Variants in FRS2 observed in about 807,000 individuals in gnomAD.
FRS2 encodes the protein fibroblast growth factor receptor substrate 2, also known as FGFR signalling adaptor.
In FRS2, 8 loss-of-function variants were observed where a neutral mutation model predicts 43.9. The observed-to-expected ratio is 0.18, with a 90% CI of 0.11 to 0.33. FRS2 has a LOEUF of 0.33. Ranked by LOEUF, FRS2 falls within the 10% of genes least tolerant of loss-of-function variation. The pLI, the probability that FRS2 is intolerant of heterozygous loss-of-function variation, is 1.00. For missense variants in FRS2, 534 were observed against 627.6 expected, an observed-to-expected ratio of 0.85 and a Z score of 1.59; for synonymous variants, 219 against 220.3, an observed-to-expected ratio of 0.99 and a Z score of 0.05.
At chr12:69,566,839 A>T (rs141156123) in intron 4 of FRS2, among the ~76,000 whole-genome samples, 18 of 152,320 alleles carry the variant, frequency 1.2e-4, no homozygotes, top group Admixed American at 7.2e-4. Context: ...TCAAGTCTCA[A>T]ATCTAGGGAA....
chr12:69,565,514 AAC>A (rs1044483728), intron 4 of FRS2, among the ~76,000 whole-genome samples: 3 of 152,198 alleles, frequency 2.0e-5, no homozygotes, highest in Non-Finnish European at 4.4e-5. Context: ...TTTAGCTTAA[AAC>A]ACACACATTC....
chr12:69,518,816 A>G (rs1185457451), intron 1 of FRS2, among the ~76,000 whole-genome samples: 1 of 151,926 alleles, frequency 6.6e-6, no homozygotes, highest in African/African-American at 2.4e-5. Context: ...GGAGTTCGAG[A>G]CTGGCCTGAC....
intron 1 of FRS2, among the ~76,000 whole-genome samples, chr12:69,518,551 T>C (rs1457143690): frequency 6.6e-6 from 1 of 151,380 alleles, no homozygotes; most frequent in Non-Finnish European, 1.5e-5. Flanking sequence ...TGTGAAAACA[T>C]AGAAAAAATA....
chr12:69,529,858 A>C (rs571736767), intron 1 of FRS2, among the ~76,000 whole-genome samples: 7 of 152,040 alleles, frequency 4.6e-5, no homozygotes, highest in Admixed American at 3.9e-4. Flanking sequence ...TCAGGAGTTC[A>C]AGACCAGCCT....
chr12:69,489,738 A>C (rs939830783), intron 1 of FRS2, among the ~76,000 whole-genome samples: 1 of 151,338 alleles, frequency 6.6e-6, no homozygotes, highest in African/African-American at 2.4e-5. Flanking sequence ...GTAATTGTCA[A>C]GATATGTAAA....
intron 3 of FRS2, among the ~76,000 whole-genome samples, chr12:69,543,401 T>C (rs1878089303): frequency 6.6e-6 from 1 of 152,212 alleles, no homozygotes; most frequent in South Asian, 2.1e-4. Flanking sequence ...GCATTTAATA[T>C]CTGTCTGGCA....
intron 3 of FRS2, among the ~76,000 whole-genome samples, chr12:69,555,974 T>C (rs1879301389): frequency 6.7e-6 from 1 of 148,306 alleles, no homozygotes; most frequent in Non-Finnish European, 1.5e-5. Context: ...TGCTTGGCAT[T>C]TGGCATAGCT....
At chr12:69,477,758 T>C (rs1870955928) in intron 1 of FRS2, among the ~76,000 whole-genome samples, 2 of 149,604 alleles carry the variant, frequency 1.3e-5, no homozygotes, top group South Asian at 2.1e-4. Context: ...ATTTATTTTT[T>C]GAGACAGAGT....
chr12:69,559,590 A>G (rs757215410), intron 3 of FRS2, among the ~76,000 whole-genome samples: 3 of 152,168 alleles, frequency 2.0e-5, no homozygotes, highest in Non-Finnish European at 4.4e-5. Context: ...TAACAAGGGA[A>G]CTGTTGCAGA....
At chr12:69,497,052 A>T (rs1169679164) in intron 1 of FRS2, among the ~76,000 whole-genome samples, 2 of 152,260 alleles carry the variant, frequency 1.3e-5, no homozygotes, top group African/African-American at 4.8e-5. Context: ...AATTCAACTT[A>T]GATTCATTTC....
intron 1 of FRS2, among the ~76,000 whole-genome samples, chr12:69,524,238 G>T (rs1431619367): frequency 6.6e-6 from 1 of 152,086 alleles, no homozygotes; most frequent in Non-Finnish European, 1.5e-5. Context: ...GGGGGATAGG[G>T]GACGGGGGTG....
intron 1 of FRS2, among the ~76,000 whole-genome samples, chr12:69,521,100 G>A (rs975403858): frequency 2.6e-5 from 4 of 152,040 alleles, no homozygotes; most frequent in African/African-American, 9.7e-5. Context: ...TGTAATTCTT[G>A]TTGTAGAACT....
chr12:69,561,604 A>T (rs1009955206), intron 3 of FRS2, among the ~76,000 whole-genome samples: 1 of 152,188 alleles, frequency 6.6e-6, no homozygotes, highest in African/African-American at 2.4e-5. Flanking sequence ...TTATCACTGT[A>T]ATGTCACTGT....
At chr12:69,513,859 C>T (rs1396801695) in intron 1 of FRS2, among the ~76,000 whole-genome samples, 7 of 152,032 alleles carry the variant, frequency 4.6e-5, no homozygotes, top group Admixed American at 4.6e-4. Context: ...GAGTTGTTTT[C>T]CTGTGATATC....
chr12:69,543,701 C>G (rs1419573040), intron 3 of FRS2, among the ~76,000 whole-genome samples: 1 of 152,112 alleles, frequency 6.6e-6, no homozygotes, highest in Non-Finnish European at 1.5e-5. Context: ...AGTGAAGGAG[C>G]AAGCTATGCT....
rs527494789 is a variant in FRS2 at position 69,527,483 on chromosome 12, T to C, written c.-260-3382T>C. Among the ~76,000 whole-genome samples, 11 of 151,798 alleles carry C rather than the reference T, an allele frequency of 7.2e-5. No individual in the cohort carries two copies. The South Asian group carries it at 1.3e-3, about 17-fold the overall frequency. On this transcript the variant is annotated intron_variant, in intron 1 of 8. Transcript: ENST00000549921. ...CTTGTTGCGGGTCACCATGCCTGGC[T>C]TTAAGCAAATTTTTACATAAACAGC...
intron 5 of FRS2, among the ~76,000 whole-genome samples, chr12:69,569,964 C>CT (rs1168164982): frequency 1.3e-5 from 2 of 152,186 alleles, no homozygotes; most frequent in Non-Finnish European, 2.9e-5. Context: ...GATTTCCCCT[C>CT]TGATTTTATT....
intron 3 of FRS2, among the ~76,000 whole-genome samples, chr12:69,539,220 A>ATG (rs1419045975): frequency 3.6e-3 from 542 of 152,186 alleles, no homozygotes; most frequent in Non-Finnish European, 6.0e-3. Context: ...GATTACAGGC[A>ATG]CACATCACCA....
At chr12:69,566,176 C>T (rs184923232) in intron 4 of FRS2, among the ~76,000 whole-genome samples, 18 of 151,794 alleles carry the variant, frequency 1.2e-4, no homozygotes, top group East Asian at 1.9e-4. Flanking sequence ...CCTGCCAGCA[C>T]GAGAGGTTCT....
Sources: allele counts gnomAD v4.1 joint callset (sites outside exome capture counted in the v4.1 genomes callset), GRCh38; gene constraint gnomAD v4.1.1; transcripts MANE v1.5; gene names NCBI Gene and HGNC (gene_info 2026-07-23, HGNC 2026-07-21).